Variants in EFR3B observed in about 807,000 individuals in gnomAD.
EFR3B encodes EFR3 homolog B, also known as protein EFR3 homolog B.
A neutral mutation model predicts 104.7 loss-of-function variants in EFR3B; 64 were observed. The observed-to-expected ratio is 0.61, with a 90% CI of 0.50 to 0.75. The LOEUF is 0.75. Among genes scored for constraint, EFR3B ranks in the 30% least tolerant of loss-of-function variants. EFR3B has a pLI of 0.00. For missense variants in EFR3B, 750 were observed against 1,078.5 expected (o/e 0.70, Z 4.27); for synonymous variants, 385 against 417.9 (o/e 0.92, Z 0.96).
At chr2:25,100,386 G>A (rs1451256241) in intron 3 of EFR3B, among the ~76,000 whole-genome samples, 1 of 152,162 alleles carries the variant, frequency 6.6e-6, no homozygotes, top group African/African-American at 2.4e-5. Context: ...GCTTTGCTGC[G>A]ATCTTGTAAG....
intron 1 of EFR3B, among the ~76,000 whole-genome samples, chr2:25,044,470 A>G (rs1667664374): frequency 6.6e-6 from 1 of 152,096 alleles, no homozygotes; most frequent in African/African-American, 2.4e-5. Flanking sequence ...AGAATTATAG[A>G]CTTCTTATAA....
At chr2:25,049,267 T>A (rs1299612715) in intron 1 of EFR3B, among the ~76,000 whole-genome samples, 1 of 152,238 alleles carries the variant, frequency 6.6e-6, no homozygotes, top group Non-Finnish European at 1.5e-5. Flanking sequence ...CTTTGTCTTC[T>A]AACTATTTGC....
Position 25,093,095 on chromosome 2 carries a change from G to A in EFR3B, c.177G>A (p.Glu59=). ...ATCGTATTGGCGCCTACCTCTCTGAGAGGCTCATCCGTGACGTGGGTCGCC... is the reference window on the plus strand; with the variant it reads ...ATCGTATTGGCGCCTACCTCTCTGAAAGGCTCATCCGTGACGTGGGTCGCC... The part of the protein sequence containing the change: ...KLDRIGAYLS[E]RLIRDVGRHR... Residue 59 remains glutamate, a synonymous_variant, in exon 3 of 23, where the codon GAG becomes GAA. Coordinates refer to ENST00000403714, the MANE Select transcript of EFR3B (RefSeq NM_014971.2). The A allele has an allele frequency of 6.4e-7, 1 of 1,551,866 alleles. No homozygotes were observed. Among genetic ancestry groups the A allele is most frequent in the Non-Finnish European group, 8.7e-7 (1 of 1,147,130 alleles).
rs1463895233 is a variant in EFR3B, at chr2:25,113,643, G to A, written c.364-8030G>A. ...AGATCGTGCCACTGCACTCCAGCCT[G>A]GACAACAGAGTGAGACTCTGTCTCA... is the stretch of plus-strand genomic sequence containing the variant. On this transcript the variant is annotated intron_variant, in intron 4 of 22. Transcript: ENST00000403714. 2.7e-5 allele frequency among the ~76,000 whole-genome samples: 4 copies of A among 149,666 alleles called. No individual in the cohort carries two copies. The East Asian group carries it at 7.8e-4, about 29-fold the overall frequency.
rs1669809853 is a variant in EFR3B at position 25,114,605 on chromosome 2, G to C, written c.364-7068G>C. On this transcript the variant is annotated intron_variant, in intron 4 of 22. Transcript: ENST00000403714. This position sits in a 1 kb window ranked among gnomAD's most constrained non-coding sequence, Gnocchi z 4.0. ...ACCTCCTAGGCAGTCCTGGGCCCCAGAGGGCAAACAGCATGCTCCAGAGAT... is the reference window on the plus strand; with the variant it reads ...ACCTCCTAGGCAGTCCTGGGCCCCACAGGGCAAACAGCATGCTCCAGAGAT... Among the ~76,000 whole-genome samples, 1 of 152,186 alleles carries C rather than the reference G, an allele frequency of 6.6e-6. No individual in the cohort carries two copies. Among genetic ancestry groups the C allele is most frequent in the African/African-American group, 2.4e-5 (1 of 41,454 alleles).
chr2:25,050,401 G>A (rs1345394780), intron 1 of EFR3B, among the ~76,000 whole-genome samples: 1 of 152,198 alleles, frequency 6.6e-6, no homozygotes, highest in Non-Finnish European at 1.5e-5. Flanking sequence ...CATATGCAAA[G>A]GATGATGTTG....
chr2:25,061,249 G>A (rs566600032), intron 1 of EFR3B, among the ~76,000 whole-genome samples: 3 of 151,866 alleles, frequency 2.0e-5, no homozygotes, highest in Non-Finnish European at 2.9e-5. Context: ...TCAGCCTCCG[G>A]AGTAGCTCCG....
intron 16 of EFR3B, among the ~76,000 whole-genome samples, chr2:25,140,235 C>G (rs1670626573): frequency 6.6e-6 from 1 of 152,102 alleles, no homozygotes; most frequent in Non-Finnish European, 1.5e-5. Context: ...ATCGCTTGAA[C>G]CTGGGAGATG....
intron 1 of EFR3B, among the ~76,000 whole-genome samples, chr2:25,057,412 C>CAAAA (rs70947862): frequency 2.8e-5 from 4 of 142,760 alleles, no homozygotes; most frequent in African/African-American, 1.0e-4. Context: ...GCATGGCTAA[C>CAAAA]AAAAAAAAAA....
chr2:25,151,631 G>A (rs1671011612), intron 20 of EFR3B, among the ~76,000 whole-genome samples: 1 of 152,178 alleles, frequency 6.6e-6, no homozygotes, highest in South Asian at 2.1e-4. Flanking sequence ...AAGAGTCCCG[G>A]TGGGAGAGCA....
chr2:25,065,176 T>A (rs1668298939), intron 1 of EFR3B, among the ~76,000 whole-genome samples: 1 of 151,900 alleles, frequency 6.6e-6, no homozygotes, highest in Admixed American at 6.6e-5. Context: ...AAATAAATGA[T>A]TCCTATAATA....
intron 1 of EFR3B, among the ~76,000 whole-genome samples, chr2:25,062,738 G>C (rs889533495): frequency 1.3e-5 from 2 of 152,196 alleles, no homozygotes; most frequent in Non-Finnish European, 2.9e-5. Flanking sequence ...CAGGGCAGTG[G>C]GGGGAGGCCC....
intron 1 of EFR3B, among the ~76,000 whole-genome samples, chr2:25,047,447 T>G (rs1418071208): frequency 6.6e-6 from 1 of 152,134 alleles, no homozygotes; most frequent in Non-Finnish European, 1.5e-5. Context: ...GCCCCCACTT[T>G]CCCTTCCCCT....
chr2:25,124,522 T>G (rs2083115), intron 5 of EFR3B, among the ~76,000 whole-genome samples: 2 of 151,064 alleles, frequency 1.3e-5, no homozygotes, highest in African/African-American at 4.9e-5. Context: ...GTCAGGAGAT[T>G]GAGATGGAGA....
chr2:25,094,287 A>AAAG (rs1295905967), intron 3 of EFR3B, among the ~76,000 whole-genome samples: 1 of 150,624 alleles, frequency 6.6e-6, no homozygotes, highest in African/African-American at 2.4e-5. Context: ...TGTCTCAAAA[A>AAAG]AAAAAAAAAA....
chr2:25,048,889 A>G (rs1667792455), intron 1 of EFR3B, among the ~76,000 whole-genome samples: 1 of 151,976 alleles, frequency 6.6e-6, no homozygotes, highest in Non-Finnish European at 1.5e-5. Context: ...TATTTCTACA[A>G]TCTCTTGTCT....
chr2:25,044,014 G>C (rs2149160708), intron 1 of EFR3B, among the ~76,000 whole-genome samples: 1 of 152,368 alleles, frequency 6.6e-6, no homozygotes, highest in Non-Finnish European at 1.5e-5. Flanking sequence ...GTTGTATGAA[G>C]CAAGACAAGG....
chr2:25,072,129 C>A (rs1030247285), intron 1 of EFR3B, among the ~76,000 whole-genome samples: 1 of 152,170 alleles, frequency 6.6e-6, no homozygotes, highest in African/African-American at 2.4e-5. Context: ...GGAGTGGGGT[C>A]CCCGCTTTCG....
intron 6 of EFR3B, 34 bp downstream of exon 6, chr2:25,128,366 A>G (rs1044540268): frequency 1.8e-5 from 28 of 1,550,602 alleles, no homozygotes; most frequent in African/African-American, 2.7e-5. Context: ...GACAGTAGAT[A>G]TAATCAACCC....
Sources: gnomAD v4.1 joint callset for allele counts (sites outside exome capture counted in the v4.1 genomes callset) on GRCh38, gnomAD v4.1.1 for gene constraint, Gnocchi (gnomAD v3.1) non-coding constraint, MANE v1.5 for transcripts, NCBI Gene and HGNC (gene_info 2026-07-23, HGNC 2026-07-21) for gene names.